Variants in ATP2C1 observed in about 807,000 individuals in gnomAD.
The protein encoded by ATP2C1 is ATPase secretory pathway Ca2+ transporting 1.
ATP2C1 carries 31 observed loss-of-function variants against 120.5 expected under a neutral mutation model. The ratio of observed to expected loss-of-function variants is 0.26; its 90% CI spans 0.19 to 0.35. The LOEUF is 0.35. Ranked by LOEUF, ATP2C1 falls within the 10% of genes least tolerant of loss-of-function variation. The pLI, the probability that ATP2C1 is intolerant of heterozygous loss-of-function variation, is 1.00. For synonymous variants in ATP2C1, 351 were observed against 358.7 expected (o/e 0.98, Z 0.24); for missense variants, 731 against 1,107.5 (o/e 0.66, Z 4.83).
chr3:130,890,996 G>C (rs779393624), upstream of ATP2C1, among the ~76,000 whole-genome samples: 8 of 152,166 alleles, frequency 5.3e-5, 1 homozygote, highest in African/African-American at 1.9e-4. Context: ...AGGATCTCTT[G>C]AGCCTAGGAG....
chr3:130,918,602 A>G (rs1006478291), intron 2 of ATP2C1: 9 of 700,834 alleles, frequency 1.3e-5, no homozygotes, highest in African/African-American at 1.0e-4. Context: ...CTTTTGGCCC[A>G]TACTTCTTTC....
downstream of ATP2C1, among the ~76,000 whole-genome samples, chr3:131,005,701 T>C (rs1310592281): frequency 3.3e-5 from 5 of 152,216 alleles, no homozygotes; most frequent in Non-Finnish European, 7.3e-5. Flanking sequence ...AAGCGATAAG[T>C]CAAAGTAAAC....
In ATP2C1 at chr3:130,979,243, C is replaced by T; in HGVS notation, c.1571-6C>T. The T allele has an allele frequency of 6.2e-7, 1 of 1,612,406 alleles. No homozygotes were observed. Among genetic ancestry groups the T allele is most frequent in the East Asian group, 2.2e-5 (1 of 44,700 alleles). On this transcript the variant is annotated splice_region_variant and splice_polypyrimidine_tract_variant and intron_variant, in intron 18 of 27. Transcript: ENST00000510168. ...TGTTGTTGTTTGGATTTTATTATTT[C>T]CTAAGTTCTTGCTTTGGCTTCTGGT...
At chr3:130,960,359 G>A (rs764773077) in intron 12 of ATP2C1, among the ~76,000 whole-genome samples, 8 of 152,186 alleles carry the variant, frequency 5.3e-5, no homozygotes, top group Admixed American at 1.3e-4. Context: ...TCAACCTTGT[G>A]AGTGTGGGAT....
chr3:130,907,462 G>A (rs1295357991), intron 2 of ATP2C1, among the ~76,000 whole-genome samples: 1 of 151,920 alleles, frequency 6.6e-6, no homozygotes, highest in Admixed American at 6.6e-5. Context: ...TGTGACATAA[G>A]GGCCCACCTT....
At chr3:130,867,079 T>G (rs932091559) in intron 1 of ATP2C1, among the ~76,000 whole-genome samples, 1 of 152,250 alleles carries the variant, frequency 6.6e-6, no homozygotes, top group African/African-American at 2.4e-5. Flanking sequence ...CCCTGAATCA[T>G]GCCCGCATTA....
chr3:131,002,553 C>A lies in ATP2C1; in HGVS notation c.*1203C>A. 1.0e-6 allele frequency: 1 copy of A among 985,240 alleles called. No individual in the cohort carries two copies. Among genetic ancestry groups the A allele is most frequent in the Non-Finnish European group, 1.2e-6 (1 of 829,886 alleles). 61.0% of individuals were successfully genotyped at this position (985,240 alleles called of 1,614,324 possible). A position where few individuals can be genotyped will look rare whatever the true frequency, so the allele number is the denominator to read the frequency against. On this transcript the variant is annotated 3_prime_UTR_variant, in exon 28 of 28. Coordinates refer to ENST00000510168, the MANE Select transcript of ATP2C1 (RefSeq NM_001378687.1). The stretch of plus-strand genomic sequence containing the variant: ...AGGTGGATTTTGTGTGTAATGCCAT[C>A]AGTTTTTATGAAAGCTTGATGAGGT...
chr3:131,015,924 A>T, intron 26 of ATP2C1: 1 of 686,460 alleles, frequency 1.5e-6, no homozygotes. Context: ...AATTGGATTG[A>T]ATCATGGAAA....
At chr3:130,998,250 A>T (rs1367570331) in intron 25 of ATP2C1, 44 bp from the exon 26 acceptor site, 1 of 1,280,342 alleles carries the variant, frequency 7.8e-7, no homozygotes, top group Non-Finnish European at 1.1e-6. Flanking sequence ...TTTATCCATT[A>T]AATTCAGCCA....
exon 1 of ATP2C1, chr3:130,850,597 T>C (rs2067645871): frequency 3.1e-6 from 1 of 323,442 alleles, no homozygotes; most frequent in African/African-American, 2.1e-5. Flanking sequence ...CTTTGGGCAT[T>C]GCATTTCTGG....
At chr3:130,984,425 A>T (rs182832267) in intron 20 of ATP2C1, among the ~76,000 whole-genome samples, 1 of 152,314 alleles carries the variant, frequency 6.6e-6, no homozygotes, top group East Asian at 1.9e-4. Flanking sequence ...CCTCTGAAAA[A>T]GTTTCTGTTT....
At chr3:130,927,047 A>C (rs983230224) in intron 2 of ATP2C1, among the ~76,000 whole-genome samples, 1 of 152,116 alleles carries the variant, frequency 6.6e-6, no homozygotes, top group Non-Finnish European at 1.5e-5. Flanking sequence ...CTTCACCTCT[A>C]TTCTTGGACC....
chr3:130,879,937 C>T (rs936194900), intron 1 of ATP2C1, among the ~76,000 whole-genome samples: 4 of 152,110 alleles, frequency 2.6e-5, no homozygotes, highest in African/African-American at 9.7e-5. Flanking sequence ...GCATGATGAC[C>T]TCATCGCTGG....
intron 10 of ATP2C1, 122 bp downstream of exon 10, chr3:130,955,202 G>A: frequency 1.4e-6 from 1 of 737,494 alleles, no homozygotes; most frequent in East Asian, 2.7e-5. Flanking sequence ...ATGGAAATCA[G>A]TTGTCTCTGT....
chr3:130,973,623 A>G lies in ATP2C1; in HGVS notation c.1414-1709A>G, dbSNP rs575605967. ...GGACAGAGTGGGATTTCATCACCATACTCAGAATGTTGTATAATTGGAAAC... is the reference window on the plus strand; with the variant it reads ...GGACAGAGTGGGATTTCATCACCATGCTCAGAATGTTGTATAATTGGAAAC... On this transcript the variant is annotated intron_variant, in intron 17 of 27. Transcript: ENST00000510168. Among the ~76,000 whole-genome samples the G allele has an allele frequency of 1.1e-4, 17 of 152,288 alleles. No homozygotes were observed. In the East Asian group the frequency reaches 3.3e-3, roughly 29 times the overall value.
At chr3:130,883,813 T>C (rs188850659) in intron 1 of ATP2C1, among the ~76,000 whole-genome samples, 4 of 152,282 alleles carry the variant, frequency 2.6e-5, no homozygotes, top group East Asian at 3.9e-4. Context: ...TTAGTAGTTA[T>C]AGCTATAAAC....
chr3:130,933,139 C>T (rs186212700), intron 4 of ATP2C1, among the ~76,000 whole-genome samples: 71 of 152,222 alleles, frequency 4.7e-4, no homozygotes, highest in Non-Finnish European at 9.1e-4. Context: ...CTTTCTTGAT[C>T]CTGTTACCAA....
intron 1 of ATP2C1, among the ~76,000 whole-genome samples, chr3:130,873,301 C>T (rs1227611907): frequency 6.6e-6 from 1 of 152,196 alleles, no homozygotes; most frequent in African/African-American, 2.4e-5. Flanking sequence ...CTAACTTTGA[C>T]ATTAAACACT....
chr3:131,009,398 C>T (rs1343210292), intron 26 of ATP2C1, among the ~76,000 whole-genome samples: 2 of 152,106 alleles, frequency 1.3e-5, no homozygotes, highest in African/African-American at 4.8e-5. Context: ...GCTATTTTAA[C>T]CAAATAGAAT....
Sources: allele counts gnomAD v4.1 joint callset (sites outside exome capture counted in the v4.1 genomes callset), GRCh38; gene constraint gnomAD v4.1.1; transcripts MANE v1.5; gene names NCBI Gene and HGNC (gene_info 2026-07-23, HGNC 2026-07-21).